Variants in SPTBN1 observed in about 807,000 individuals in gnomAD.
SPTBN1 encodes the protein spectrin beta, non-erythrocytic 1, also known as spectrin beta chain, non-erythrocytic 1.
In SPTBN1, 32 loss-of-function variants were observed where a neutral mutation model predicts 266.4. That is an observed-to-expected ratio of 0.12 (90% confidence interval 0.09 to 0.16). The LOEUF (loss-of-function observed/expected upper bound fraction) is 0.16. Ranked by LOEUF, SPTBN1 falls within the 10% of genes least tolerant of loss-of-function variation. The probability of loss-of-function intolerance (pLI) is 1.00; values close to 1 mark genes in which losing one functional copy is unlikely to be tolerated. For synonymous variants in SPTBN1, 1,336 were observed against 1,162.2 expected (o/e 1.15, Z -3.04); for missense variants, 2,296 against 3,067.1 (o/e 0.75, Z 5.94).
At chr2:54,480,628 G>C (rs897136374) in intron 1 of SPTBN1, among the ~76,000 whole-genome samples, 1 of 152,152 alleles carries the variant, frequency 6.6e-6, no homozygotes, top group African/African-American at 2.4e-5. Context: ...CCTTTTATAA[G>C]TATTGTGTTA....
At chr2:54,552,393 A>G (rs1672624181) in intron 2 of SPTBN1, among the ~76,000 whole-genome samples, 1 of 152,024 alleles carries the variant, frequency 6.6e-6, no homozygotes, top group Non-Finnish European at 1.5e-5. Flanking sequence ...TATTATGCCA[A>G]CTTTTTAGGC....
chr2:54,495,890 A>G (rs777138377), intron 1 of SPTBN1, among the ~76,000 whole-genome samples: 21 of 152,316 alleles, frequency 1.4e-4, no homozygotes, highest in Non-Finnish European at 3.1e-4. Flanking sequence ...ATCAAAGAAT[A>G]TAGTTAATTT....
At position 54,664,181 on chromosome 2, in the gene SPTBN1, T is replaced by G; in HGVS notation, c.6421-272T>G. 1 of 354,696 alleles carries G rather than the reference T, an allele frequency of 2.8e-6. No individual in the cohort carries two copies. The highest frequency in any genetic ancestry group is 5.1e-6 in the Non-Finnish European group (1 of 196,408). The allele number at this position is 354,696 out of a possible 1,614,324, so 22.0% of individuals were successfully genotyped here. Reference sequence around the variant, plus strand: ...TAACCATAAGAGGAGATGATCTGAGTTATATTTATTGATCAGAGGAATAGA... The same window carrying G: ...TAACCATAAGAGGAGATGATCTGAGGTATATTTATTGATCAGAGGAATAGA... On this transcript the variant is annotated intron_variant, in intron 32 of 35. Transcript: ENST00000356805. This position sits in a 1 kb window ranked among gnomAD's most constrained non-coding sequence, Gnocchi z 5.6.
intron 17 of SPTBN1, among the ~76,000 whole-genome samples, chr2:54,636,250 G>A (rs1402945534): frequency 1.3e-5 from 2 of 151,988 alleles, no homozygotes. Flanking sequence ...CTGATGCTAT[G>A]GAACTCCTTT....
chr2:54,640,159 C>T (rs1366015099), intron 18 of SPTBN1, among the ~76,000 whole-genome samples: 1 of 151,996 alleles, frequency 6.6e-6, no homozygotes, highest in Non-Finnish European at 1.5e-5. Context: ...TAAAATACAC[C>T]CCTTTTAAGC....
chr2:54,569,057 C>T (rs1288210163), intron 2 of SPTBN1, among the ~76,000 whole-genome samples: 3 of 152,178 alleles, frequency 2.0e-5, no homozygotes, highest in African/African-American at 7.2e-5. Context: ...GGTAAGTGCT[C>T]ATTTCCTCTG....
chr2:54,469,076 A>G (rs1361086688), intron 1 of SPTBN1, among the ~76,000 whole-genome samples: 1 of 152,214 alleles, frequency 6.6e-6, no homozygotes, highest in African/African-American at 2.4e-5. Context: ...TTCAAGAAGA[A>G]AAAGCGTTAT....
chr2:54,503,440 A>G (rs1027260522), intron 1 of SPTBN1, among the ~76,000 whole-genome samples: 2 of 152,174 alleles, frequency 1.3e-5, no homozygotes, highest in Non-Finnish European at 2.9e-5. Context: ...TGGGAACAAG[A>G]TGCTCTTCAG....
At chr2:54,589,332 G>C (rs1675511954) in intron 2 of SPTBN1, among the ~76,000 whole-genome samples, 1 of 152,172 alleles carries the variant, frequency 6.6e-6, no homozygotes, top group Admixed American at 6.5e-5. Context: ...TCATTTCTCA[G>C]TTATTGTGGG....
intron 3 of SPTBN1, among the ~76,000 whole-genome samples, chr2:54,607,129 A>T (rs1676894075): frequency 6.6e-6 from 1 of 152,242 alleles, no homozygotes; most frequent in South Asian, 2.1e-4. Flanking sequence ...GTTTAAAGAC[A>T]TTTCTTTTTC....
chr2:54,633,684 G>T (rs1678919437), intron 17 of SPTBN1, among the ~76,000 whole-genome samples: 1 of 152,194 alleles, frequency 6.6e-6, no homozygotes, highest in African/African-American at 2.4e-5. Flanking sequence ...CAAAAAACAA[G>T]CCCTTCCTTT....
At chr2:54,621,573 C>A in intron 8 of SPTBN1, 61 bp downstream of exon 8, 1 of 1,353,148 alleles carries the variant, frequency 7.4e-7, no homozygotes, top group Non-Finnish European at 1.1e-6. Context: ...AGCCCTCATT[C>A]TCCCATGCAC....
At position 54,558,413 on chromosome 2, in the gene SPTBN1, C is replaced by T. The variant is rs1023080436; in HGVS notation, c.148+31847C>T. 5.9e-6 allele frequency: 6 copies of T among 1,017,316 alleles called. No homozygotes were observed. The highest frequency in any genetic ancestry group is 1.7e-5 in the African/African-American group (1 of 58,238). The allele number at this position is 1,017,316 out of a possible 1,614,324, so 63.0% of individuals were successfully genotyped here. ...GGAGGAGGTGTGCGCGCTGCGCCCG[C>T]GAGCTCCCGGGCTCGGCAACCGTGG... On this transcript the variant is annotated intron_variant, in intron 2 of 35. Transcript: ENST00000356805. The surrounding 1 kb of genome is among the most constrained non-coding windows in gnomAD (Gnocchi z 4.6).
At chr2:54,577,980 C>A (rs1012858062) in intron 2 of SPTBN1, among the ~76,000 whole-genome samples, 2 of 152,142 alleles carry the variant, frequency 1.3e-5, no homozygotes, top group Non-Finnish European at 2.9e-5. Flanking sequence ...ATGGTGAATG[C>A]CATGTAAAAT....
rs1206028501 is a variant in SPTBN1 at position 54,595,069 on chromosome 2, G to A, written c.149-4023G>A. 2.0e-5 allele frequency among the ~76,000 whole-genome samples: 3 copies of A among 152,162 alleles called. No homozygotes were observed. The East Asian group carries it at 5.8e-4, about 29-fold the overall frequency. On this transcript the variant is annotated intron_variant, in intron 2 of 35. Transcript: ENST00000356805. ...GGCTGGTCTCAAACTCCTGACCTCA[G>A]GAGATCCACCTCTCAGCCTCCCAAA... is the stretch of plus-strand genomic sequence containing the variant.
chr2:54,630,804 C>T, intron 15 of SPTBN1, 51 bp from the exon 16 acceptor site: 1 of 1,517,366 alleles, frequency 6.6e-7, no homozygotes, highest in South Asian at 1.3e-5. Flanking sequence ...GCAATCCAGC[C>T]ATGGTCAGTC....
intron 17 of SPTBN1, among the ~76,000 whole-genome samples, chr2:54,635,292 C>T (rs193052275): frequency 3.9e-5 from 6 of 152,212 alleles, no homozygotes; most frequent in East Asian, 1.9e-4. Flanking sequence ...GAATGATGTC[C>T]GTTGCACTAG....
chr2:54,641,354 T>C (rs547557639), intron 18 of SPTBN1, among the ~76,000 whole-genome samples: 3 of 152,362 alleles, frequency 2.0e-5, no homozygotes, highest in Non-Finnish European at 4.4e-5. Context: ...AGCGAAAATA[T>C]GTGAATGTCC....
At chr2:54,493,001 C>CTTTTTTTTTTTTTTTTTTTT in intron 1 of SPTBN1, among the ~76,000 whole-genome samples, 1 of 112,896 alleles carries the variant, frequency 8.9e-6, no homozygotes, top group Non-Finnish European at 1.8e-5. Context: ...AATAACATAT[C>CTTTTTTTTTTTTTTTTTTTT]TTTTTTTTTT....
Sources: gnomAD v4.1 joint callset for allele counts (sites outside exome capture counted in the v4.1 genomes callset) on GRCh38, gnomAD v4.1.1 for gene constraint, Gnocchi (gnomAD v3.1) non-coding constraint, MANE v1.5 for transcripts, NCBI Gene and HGNC (gene_info 2026-07-23, HGNC 2026-07-21) for gene names.